RSPH9: variants seen among roughly 807,000 people sequenced by gnomAD.
RSPH9 encodes radial spoke head component 9.
In RSPH9, 27 loss-of-function variants were observed where a neutral mutation model predicts 27.0. The ratio of observed to expected loss-of-function variants is 1.00; its 90% CI spans 0.74 to 1.38. The LOEUF (loss-of-function observed/expected upper bound fraction) is 1.38. Ranked by LOEUF, RSPH9 falls within the 40% of genes most tolerant of loss-of-function variation. RSPH9 has a pLI of 0.00. For missense variants in RSPH9, 347 were observed against 357.4 expected (o/e 0.97, Z 0.24); for synonymous variants, 145 against 147.7 (o/e 0.98, Z 0.13).
At chr6:43,650,665 G>C (rs1006626700) in intron 2 of RSPH9, 125 bp downstream of exon 2, 2 of 957,116 alleles carry the variant, frequency 2.1e-6, no homozygotes, top group Non-Finnish European at 3.3e-6. Context: ...TCAGCACTTT[G>C]AGAGGCTGAG....
At chr6:43,666,147 A>ACC (rs1285484012) in intron 4 of RSPH9, among the ~76,000 whole-genome samples, 13 of 152,034 alleles carry the variant, frequency 8.6e-5, no homozygotes, top group Non-Finnish European at 1.9e-4. Flanking sequence ...TTTTCTCACG[A>ACC]TGGTTCGATG....
intron 4 of RSPH9, among the ~76,000 whole-genome samples, chr6:43,658,291 C>CAAAAAA (rs58592648): frequency 2.4e-4 from 6 of 24,824 alleles, no homozygotes; most frequent in Admixed American, 4.3e-4. Flanking sequence ...AACTCCGTCT[C>CAAAAAA]AAAAAAAAAA....
chr6:43,658,604 A>G (rs1772287184), intron 4 of RSPH9, among the ~76,000 whole-genome samples: 2 of 151,984 alleles, frequency 1.3e-5, no homozygotes, highest in Non-Finnish European at 2.9e-5. Context: ...GCAGTGGCGC[A>G]ATCTCGGCTC....
intron 4 of RSPH9, among the ~76,000 whole-genome samples, chr6:43,661,389 G>C (rs1488706882): frequency 6.6e-6 from 1 of 152,118 alleles, no homozygotes; most frequent in Non-Finnish European, 1.5e-5. Flanking sequence ...GGCTGGGTGC[G>C]GTGGCTCACG....
chr6:43,660,232 G>T (rs1186518201), intron 4 of RSPH9, among the ~76,000 whole-genome samples: 1 of 151,688 alleles, frequency 6.6e-6, no homozygotes, highest in Non-Finnish European at 1.5e-5. Flanking sequence ...CAGTAGAGAT[G>T]AGTTCACCAT....
chr6:43,648,708 C>T (rs1030810348), intron 1 of RSPH9, among the ~76,000 whole-genome samples: 3 of 152,058 alleles, frequency 2.0e-5, no homozygotes, highest in East Asian at 1.9e-4. Flanking sequence ...AGTTAGGAGT[C>T]GATGGCAATA....
intron 4 of RSPH9, among the ~76,000 whole-genome samples, chr6:43,667,698 T>C (rs1178396328): frequency 6.6e-6 from 1 of 150,838 alleles, no homozygotes; most frequent in Non-Finnish European, 1.5e-5. Context: ...CCTCCTCCTC[T>C]GTCCTCAGGC....
chr6:43,663,757 C>A (rs114852936), intron 4 of RSPH9, among the ~76,000 whole-genome samples: 1 of 151,986 alleles, frequency 6.6e-6, no homozygotes, highest in East Asian at 1.9e-4. Flanking sequence ...GGGCTGAGTG[C>A]GGTGACTCAT....
At chr6:43,647,373 TG>T (rs1483470029) in intron 1 of RSPH9, among the ~76,000 whole-genome samples, 7 of 152,244 alleles carry the variant, frequency 4.6e-5, no homozygotes, top group East Asian at 1.9e-4. Flanking sequence ...GTGGGCAAAA[TG>T]GCCTGAAAGT....
At chr6:43,669,598 C>T (rs1158793858) in intron 4 of RSPH9, among the ~76,000 whole-genome samples, 1 of 152,264 alleles carries the variant, frequency 6.6e-6, no homozygotes, top group East Asian at 1.9e-4. Context: ...GCTCTCAGCG[C>T]ATGGCTGGCT....
chr6:43,671,311 G>C lies in RSPH9; in HGVS notation c.*362G>C. ...GTAAGGAGCTCACAGCTGTCATGAA[G>C]AGGATGGGACCTGTTTGGCCCATGA... is the stretch of plus-strand genomic sequence containing the variant. On this transcript the variant is annotated 3_prime_UTR_variant, in exon 5 of 5. Transcript: ENST00000372163. 2 of 444,804 alleles carry C rather than the reference G, an allele frequency of 4.5e-6. No individual in the cohort carries two copies. Among genetic ancestry groups the C allele is most frequent in the Non-Finnish European group, 8.2e-6 (2 of 242,584 alleles). The allele number at this position is 444,804 out of a possible 1,614,324, so 27.6% of individuals were successfully genotyped here.
intron 1 of RSPH9, among the ~76,000 whole-genome samples, chr6:43,648,983 G>C (rs1403031845): frequency 6.6e-6 from 1 of 152,122 alleles, no homozygotes; most frequent in Admixed American, 6.6e-5. Context: ...TTCTTGAAGT[G>C]GTGGGGCAGA....
In RSPH9 at chr6:43,670,988, A is replaced by C. The variant is rs1332815495; in HGVS notation, c.*39A>C. On this transcript the variant is annotated 3_prime_UTR_variant, in exon 5 of 5. Transcript: ENST00000372163. ...CTGGATGTTTTTAAACAGAGTCTAA[A>C]CATGATTTTCTTAAGCTTCAGTGAA... 1 of 1,613,364 alleles carries C rather than the reference A, an allele frequency of 6.2e-7. No individual in the cohort carries two copies. Among genetic ancestry groups the C allele is most frequent in the East Asian group, 2.2e-5 (1 of 44,876 alleles).
intron 4 of RSPH9, 139 bp downstream of exon 4, chr6:43,656,862 A>T (rs928981940): frequency 3.3e-6 from 3 of 898,416 alleles, no homozygotes; most frequent in Non-Finnish European, 5.5e-6. Flanking sequence ...TTGAGGGTGG[A>T]GCTTCCCCAG....
intron 4 of RSPH9, among the ~76,000 whole-genome samples, chr6:43,669,970 T>C (rs902014632): frequency 2.6e-5 from 4 of 152,224 alleles, no homozygotes; most frequent in Admixed American, 6.5e-5. Context: ...GCCATTGAGC[T>C]AGGAGGCCTG....
At position 43,645,215 on chromosome 6, in the gene RSPH9, C is replaced by A. The variant is rs1233811324; in HGVS notation, c.117C>A (p.Tyr39Ter). ...CTCTTATGCTGGTTAAGCGCGACTACCGCTATGATCGGGTTCTCTTCTGGG... is the reference window on the plus strand; with the variant it reads ...CTCTTATGCTGGTTAAGCGCGACTAACGCTATGATCGGGTTCTCTTCTGGG... ...LTSLMLVKRD[Y>*]RYDRVLFWGR... The change falls in exon 1 of 5, where the codon TAC becomes TAA. Residue 39 changes from tyrosine (Y) to a stop codon, truncating the protein, a stop_gained. Coordinates refer to ENST00000372163, the MANE Select transcript of RSPH9 (RefSeq NM_152732.5). LOFTEE classifies it high-confidence loss of function. The A allele has an allele frequency of 3.1e-6, 5 of 1,614,084 alleles. No homozygotes were observed. The South Asian group carries it at 5.5e-5, about 18-fold the overall frequency.
intron 1 of RSPH9, among the ~76,000 whole-genome samples, chr6:43,646,007 T>G (rs1770817916): frequency 6.6e-6 from 1 of 152,174 alleles, no homozygotes; most frequent in Non-Finnish European, 1.5e-5. Context: ...CAGGCTGGAG[T>G]GCAGTGTCGC....
At chr6:43,646,774 A>G (rs1561935952) in intron 1 of RSPH9, among the ~76,000 whole-genome samples, 1 of 151,406 alleles carries the variant, frequency 6.6e-6, no homozygotes, top group Non-Finnish European at 1.5e-5. Flanking sequence ...CATCCTGGCT[A>G]ACGCGGTGAA....
rs1773720635 is a variant in RSPH9, at chr6:43,671,881, A to C, written c.*932A>C. On this transcript the variant is annotated 3_prime_UTR_variant, in exon 5 of 5. Transcript: ENST00000372163. ...CCTTTTTTGTAGATGGGCTTGACGG[A>C]GCCAGGAGCCCAGCGCGTCAGGTAC... 2 of 1,612,916 alleles carry C rather than the reference A, an allele frequency of 1.2e-6. No homozygotes were observed. The highest frequency in any genetic ancestry group is 2.2e-5 in the South Asian group (2 of 90,966).
Sources: allele counts gnomAD v4.1 joint callset (sites outside exome capture counted in the v4.1 genomes callset), GRCh38; gene constraint gnomAD v4.1.1; transcripts MANE v1.5; gene names NCBI Gene and HGNC (gene_info 2026-07-23, HGNC 2026-07-21).